Variants in NEK7 observed in about 807,000 individuals in gnomAD.
NEK7 encodes the protein serine/threonine-protein kinase Nek7.
NEK7 carries 18 observed loss-of-function variants against 44.6 expected under a neutral mutation model. That is an observed-to-expected ratio of 0.40 (90% CI 0.28 to 0.60). The LOEUF (loss-of-function observed/expected upper bound fraction) is 0.60. Among genes scored for constraint, NEK7 ranks in the 20% least tolerant of loss-of-function variants. NEK7 has a pLI of 0.38. For synonymous variants in NEK7, 130 were observed against 121.1 expected, an observed-to-expected ratio of 1.07 and a Z score of -0.48; for missense variants, 256 against 366.5, an observed-to-expected ratio of 0.70 and a Z score of 2.46.
At position 198,253,032 on chromosome 1, in the gene NEK7, A is replaced by T; in HGVS notation, c.58-8A>T. 6.3e-7 allele frequency: 1 copy of T among 1,594,900 alleles called. No individual in the cohort carries two copies. On this transcript the variant is annotated splice_region_variant and splice_polypyrimidine_tract_variant and intron_variant, in intron 2 of 9. Transcript: ENST00000367385. The stretch of plus-strand genomic sequence containing the variant: ...GATTGAAAATTTTTCTGACATTTTT[A>T]ATTACAGAAGGCCTTACGACCGGAT...
intron 1 of NEK7, among the ~76,000 whole-genome samples, chr1:198,197,551 C>A (rs577762327): frequency 2.0e-5 from 3 of 152,290 alleles, no homozygotes; most frequent in African/African-American, 7.2e-5. Context: ...AGCTCCCCTG[C>A]TTAACTCATT....
At chr1:198,273,243 A>G (rs1276616205) in intron 5 of NEK7, among the ~76,000 whole-genome samples, 5 of 151,728 alleles carry the variant, frequency 3.3e-5, no homozygotes. Context: ...ACACCTTCTA[A>G]TGCAACTTAA....
intron 1 of NEK7, among the ~76,000 whole-genome samples, chr1:198,197,358 G>A (rs1665271902): frequency 1.3e-5 from 2 of 152,198 alleles, no homozygotes; most frequent in African/African-American, 4.8e-5. Context: ...AATATGATAA[G>A]ATACTGTGAA....
intron 1 of NEK7, among the ~76,000 whole-genome samples, chr1:198,206,222 G>A (rs115585013): frequency 0.011 from 1,737 of 152,150 alleles, 40 homozygotes; most frequent in African/African-American, 0.04. Context: ...AAAATATTAG[G>A]TAACAGACTT....
In NEK7 at chr1:198,319,465, C is replaced by A; in HGVS notation, c.852C>A (p.Asp284Glu). ...ACCCAGATCCAGAGAAGCGACCAGACGTCACCTATGTTTATGACGTAGCAA... is the reference window on the plus strand; with the variant it reads ...ACCCAGATCCAGAGAAGCGACCAGAAGTCACCTATGTTTATGACGTAGCAA... ...CINPDPEKRP[D>E]VTYVYDVAKR... The change falls in exon 10 of 10, where the codon GAC becomes GAA. Residue 284 changes from aspartate to glutamate, a missense_variant. Asp to Glu is a conservative substitution (Grantham distance 45, BLOSUM62 2). Around this residue, in one of 3 missense-constraint regions of NEK7, gnomAD observed 58 missense variants for 66.5 expected, o/e 0.87. Coordinates refer to ENST00000367385, the MANE Select transcript of NEK7 (RefSeq NM_133494.3). The A allele has an allele frequency of 6.2e-7, 1 of 1,613,206 alleles. No individual in the cohort carries two copies. Among genetic ancestry groups the A allele is most frequent in the East Asian group, 2.2e-5 (1 of 44,862 alleles).
At chr1:198,300,420 A>G (rs997897449) in intron 9 of NEK7, among the ~76,000 whole-genome samples, 1 of 152,208 alleles carries the variant, frequency 6.6e-6, no homozygotes, top group African/African-American at 2.4e-5. Flanking sequence ...GCTTTTATAG[A>G]TGATGTTTCC....
chr1:198,289,226 T>C (rs1259943111), intron 7 of NEK7, among the ~76,000 whole-genome samples: 2 of 152,124 alleles, frequency 1.3e-5, no homozygotes, highest in African/African-American at 4.8e-5. Flanking sequence ...CAGCAAGGAA[T>C]ATTCAAAGCT....
chr1:198,198,147 A>G (rs1454519165), intron 1 of NEK7: 4 of 837,960 alleles, frequency 4.8e-6, no homozygotes. Flanking sequence ...GTGGGGGGAT[A>G]TGGATTTGGT....
At chr1:198,302,708 AT>A (rs1410756464) in intron 9 of NEK7, among the ~76,000 whole-genome samples, 2 of 152,072 alleles carry the variant, frequency 1.3e-5, no homozygotes, top group African/African-American at 2.4e-5. Flanking sequence ...ACAATACTGA[AT>A]TTTTTTCAAC....
chr1:198,218,917 G>A (rs1384249486), intron 1 of NEK7, among the ~76,000 whole-genome samples: 1 of 151,946 alleles, frequency 6.6e-6, no homozygotes, highest in Non-Finnish European at 1.5e-5. Flanking sequence ...CATAGATTCT[G>A]GCATGGATAT....
chr1:198,301,246 G>A (rs1380041438), intron 9 of NEK7, among the ~76,000 whole-genome samples: 1 of 152,198 alleles, frequency 6.6e-6, no homozygotes, highest in African/African-American at 2.4e-5. Flanking sequence ...TGCCTCAGTG[G>A]TTGCTTTAGC....
At chr1:198,242,939 G>A (rs936372500) in intron 2 of NEK7, among the ~76,000 whole-genome samples, 10 of 151,608 alleles carry the variant, frequency 6.6e-5, no homozygotes, top group Admixed American at 3.9e-4. Flanking sequence ...CAAAGTGCTG[G>A]GAGTGTAGGC....
At chr1:198,296,158 G>A (rs974236892) in intron 8 of NEK7, among the ~76,000 whole-genome samples, 7 of 152,064 alleles carry the variant, frequency 4.6e-5, no homozygotes, top group South Asian at 4.2e-4. Context: ...ATGGACTAGC[G>A]TGTTTCACAC....
chr1:198,257,397 G>C (rs1444795526), intron 3 of NEK7, among the ~76,000 whole-genome samples: 1 of 152,030 alleles, frequency 6.6e-6, no homozygotes, highest in African/African-American at 2.4e-5. Context: ...TTTAGATTCT[G>C]CATGTTTGCA....
intron 1 of NEK7, among the ~76,000 whole-genome samples, chr1:198,176,855 A>G (rs985274842): frequency 6.6e-6 from 1 of 152,134 alleles, no homozygotes; most frequent in African/African-American, 2.4e-5. Context: ...CTAAGAAAGG[A>G]AATACAGAGT....
Position 198,277,956 on chromosome 1 carries a change from A to G in NEK7, c.373-5A>G. The G allele has an allele frequency of 6.4e-7, 1 of 1,569,512 alleles. No homozygotes were observed. Among genetic ancestry groups the G allele is most frequent in the Non-Finnish European group, 8.7e-7 (1 of 1,145,046 alleles). ...TTATAGTTCTTATTTTTAATTTTCA[A>G]AAAGCATTTTAAGAAGCAAAAGAGG... On this transcript the variant is annotated splice_polypyrimidine_tract_variant and splice_region_variant and intron_variant, in intron 5 of 9. Transcript: ENST00000367385.
chr1:198,308,070 G>A (rs562276274), intron 9 of NEK7, among the ~76,000 whole-genome samples: 3 of 152,140 alleles, frequency 2.0e-5, no homozygotes, highest in Admixed American at 2.0e-4. Flanking sequence ...GGAGATTACA[G>A]TGCTTTAAAA....
At position 198,272,536 on chromosome 1, in the gene NEK7, A is replaced by G. The variant is rs144487282; in HGVS notation, c.373-5425A>G. On this transcript the variant is annotated intron_variant, in intron 5 of 9. Coordinates refer to ENST00000367385, the MANE Select transcript of NEK7 (RefSeq NM_133494.3). ...CTCTTAGTGTTGTCTAGTATAACAT[A>G]GCAAGAAAATTTATTAAAGAGGGAA... is the stretch of plus-strand genomic sequence containing the variant. Among the ~76,000 whole-genome samples the G allele has an allele frequency of 6.3e-3, 956 of 151,984 alleles. 19 individuals carry two copies. Among genetic ancestry groups the G allele is most frequent in the African/African-American group, 0.022 (897 of 41,560 alleles).
intron 1 of NEK7, among the ~76,000 whole-genome samples, chr1:198,162,644 G>C (rs1382725515): frequency 6.6e-6 from 1 of 152,128 alleles, no homozygotes; most frequent in Non-Finnish European, 1.5e-5. Flanking sequence ...TCTGATGACA[G>C]GCCCTGTCAC....
Sources: gnomAD v4.1 joint callset for allele counts (sites outside exome capture counted in the v4.1 genomes callset) on GRCh38, gnomAD v4.1.1 for gene constraint, gnomAD v4.1.1 regional missense constraint, MANE v1.5 for transcripts, NCBI Gene and HGNC (gene_info 2026-07-23, HGNC 2026-07-21) for gene names.